Variants in SOX5 observed in about 807,000 individuals in gnomAD.
SOX5 encodes the protein SRY-box transcription factor 5.
SOX5 carries 9 observed loss-of-function variants against 92.0 expected under a neutral mutation model. The ratio of observed to expected loss-of-function variants is 0.10; its 90% confidence interval spans 0.06 to 0.17. The LOEUF (loss-of-function observed/expected upper bound fraction) is 0.17. Among genes scored for constraint, SOX5 ranks in the 10% least tolerant of loss-of-function variants. The probability of loss-of-function intolerance (pLI) is 1.00; values close to 1 mark genes in which losing one functional copy is unlikely to be tolerated. For synonymous variants in SOX5, 344 were observed against 336.3 expected (o/e 1.02, Z -0.25); for missense variants, 642 against 944.5 (o/e 0.68, Z 4.20).
intron 9 of SOX5, among the ~76,000 whole-genome samples, chr12:23,598,387 C>CTTTTTTTTTTTTTTTTTTTTTTTTTTTT (rs201719026): frequency 1.1e-5 from 1 of 95,128 alleles, no homozygotes; most frequent in African/African-American, 4.4e-5. Context: ...TGTGCTTTAT[C>CTTTTTTTTTTTTTTTTTTTTTTTTTTTT]TTTTTTTTTT....
intron 6 of SOX5, among the ~76,000 whole-genome samples, chr12:23,679,464 A>G (rs1351095285): frequency 6.6e-6 from 1 of 152,156 alleles, no homozygotes; most frequent in African/African-American, 2.4e-5. Flanking sequence ...TATAGTTCTA[A>G]CTACTTGAAA....
intron 1 of SOX5, among the ~76,000 whole-genome samples, chr12:24,516,018 G>C (rs185147559): frequency 6.7e-6 from 1 of 150,284 alleles, no homozygotes; most frequent in Admixed American, 6.6e-5. Context: ...GTTTTTTCTT[G>C]GCTATGGCAA....
intron 4 of SOX5, among the ~76,000 whole-genome samples, chr12:24,013,046 G>T (rs1049744712): frequency 3.3e-5 from 5 of 152,084 alleles, no homozygotes; most frequent in South Asian, 2.1e-4. Flanking sequence ...AACAAAAAAA[G>T]TTTCTGCACA....
intron 1 of SOX5, among the ~76,000 whole-genome samples, chr12:24,482,698 A>G (rs536598092): frequency 6.6e-6 from 1 of 152,314 alleles, no homozygotes; most frequent in Admixed American, 6.5e-5. Flanking sequence ...TTCATTTATG[A>G]TTTCATTTTG....
chr12:23,592,797 G>T (rs1951752038), intron 9 of SOX5, among the ~76,000 whole-genome samples: 1 of 151,982 alleles, frequency 6.6e-6, no homozygotes, highest in African/African-American at 2.4e-5. Flanking sequence ...AATTACTCTG[G>T]GCTGGGCGCG....
intron 4 of SOX5, among the ~76,000 whole-genome samples, chr12:24,193,838 GA>G (rs1302310477): frequency 6.6e-6 from 1 of 152,042 alleles, no homozygotes; most frequent in Non-Finnish European, 1.5e-5. Flanking sequence ...CTTTTTCAGA[GA>G]AAAAAGTAGT....
chr12:24,017,601 A>C (rs1953797405), intron 4 of SOX5, among the ~76,000 whole-genome samples: 1 of 152,116 alleles, frequency 6.6e-6, no homozygotes, highest in South Asian at 2.1e-4. Context: ...CTCTATCTCA[A>C]AAAATAAAAT....
chr12:23,833,313 T>C (rs570925840), intron 3 of SOX5, among the ~76,000 whole-genome samples: 13 of 151,972 alleles, frequency 8.6e-5, no homozygotes, highest in Admixed American at 6.6e-4. Context: ...AATAATAAAA[T>C]TGCCCCAATC....
chr12:23,980,130 T>C (rs999940132), intron 4 of SOX5, among the ~76,000 whole-genome samples: 5 of 152,122 alleles, frequency 3.3e-5, no homozygotes, highest in Non-Finnish European at 7.4e-5. Context: ...ATAATGAGTT[T>C]TTTTAGCACT....
In SOX5 at chr12:23,533,514, G is replaced by GAT. The variant is rs1939531480; in HGVS notation, c.*703_*704dup. 1 of 185,600 alleles carries GAT rather than the reference G, an allele frequency of 5.4e-6. No homozygotes were observed. Among genetic ancestry groups the GAT allele is most frequent in the Admixed American group, 5.7e-5 (1 of 17,698 alleles). The allele number at this position is 185,600 out of a possible 1,614,324, so 11.5% of individuals were successfully genotyped here. ...AGTACAAATTTGGCACTTGCTCAAA[G>GAT]ATGTAGTGTGGTGTGCAATAGATAA... is the stretch of plus-strand genomic sequence containing the variant. On this transcript the variant is annotated 3_prime_UTR_variant, in exon 15 of 15. Transcript: ENST00000451604.
chr12:24,200,491 C>CT (rs1254485504), intron 4 of SOX5, among the ~76,000 whole-genome samples: 1,739 of 146,562 alleles, frequency 0.012, 22 homozygotes, highest in African/African-American at 0.033. Context: ...TAAAGTGTTA[C>CT]TTTTTTTTTT....
At chr12:23,600,014 C>T (rs1395660961) in intron 9 of SOX5, among the ~76,000 whole-genome samples, 1 of 152,168 alleles carries the variant, frequency 6.6e-6, no homozygotes, top group African/African-American at 2.4e-5. Context: ...CATATTGGTT[C>T]ATTCTGTGGC....
intron 2 of SOX5, among the ~76,000 whole-genome samples, chr12:24,329,345 T>C (rs1951045454): frequency 6.6e-6 from 1 of 152,158 alleles, no homozygotes; most frequent in Non-Finnish European, 1.5e-5. Flanking sequence ...ATGTCTTACA[T>C]GGCGGCAGGC....
At position 24,132,149 on chromosome 12, in the gene SOX5, T is replaced by C. The variant is rs139919298; in HGVS notation, c.-2+81194A>G. ...TTACATTCAACAAACGTGTAGATCA[T>C]ACATGTGCCAAGTAGTCTGCTATGG... On this transcript the variant is annotated intron_variant, in intron 4 of 4. Coordinates refer to the SOX5 transcript ENST00000446891. Among the ~76,000 whole-genome samples the C allele has an allele frequency of 7.3e-4, 107 of 145,904 alleles. 2 individuals carry two copies. Among genetic ancestry groups the C allele is most frequent in the African/African-American group, 2.6e-3 (101 of 39,590 alleles).
chr12:24,545,856 G>T (rs1292145316), intron 1 of SOX5, among the ~76,000 whole-genome samples: 1 of 152,128 alleles, frequency 6.6e-6, no homozygotes, highest in Non-Finnish European at 1.5e-5. Flanking sequence ...GCCTGGCTCT[G>T]GGTCTCCGTT....
intron 2 of SOX5, among the ~76,000 whole-genome samples, chr12:24,301,605 G>A (rs903816216): frequency 6.6e-6 from 1 of 152,200 alleles, no homozygotes; most frequent in Non-Finnish European, 1.5e-5. Context: ...AAAGGGAGAT[G>A]AATATTTTGA....
intron 3 of SOX5, among the ~76,000 whole-genome samples, chr12:23,828,704 T>A (rs2096269979): frequency 6.6e-6 from 1 of 151,594 alleles, no homozygotes. Flanking sequence ...TTGGAAGCAA[T>A]TAATATAAAA....
chr12:23,863,328 G>A (rs1331655113), intron 2 of SOX5, among the ~76,000 whole-genome samples: 1 of 152,106 alleles, frequency 6.6e-6, no homozygotes, highest in Non-Finnish European at 1.5e-5. Context: ...ATTTATTAAT[G>A]TGACAATCAC....
At chr12:24,027,504 C>A (rs1345291462) in intron 4 of SOX5, among the ~76,000 whole-genome samples, 1 of 151,970 alleles carries the variant, frequency 6.6e-6, no homozygotes, top group African/African-American at 2.4e-5. Flanking sequence ...TATGCATCAT[C>A]CTAAATGTCT....
Sources: allele counts gnomAD v4.1 joint callset (sites outside exome capture counted in the v4.1 genomes callset), GRCh38; gene constraint gnomAD v4.1.1; transcripts MANE v1.5; gene names NCBI Gene and HGNC (gene_info 2026-07-23, HGNC 2026-07-21).